The following DCN variants were observed in gnomAD, a reference collection of about 807,000 sequenced individuals.
DCN encodes decorin.
A neutral mutation model predicts 36.5 loss-of-function variants in DCN; 17 were observed. That is an observed-to-expected ratio of 0.47 (90% CI 0.32 to 0.70). DCN has a LOEUF of 0.70. DCN is among the 30% of genes least tolerant of loss of function. The probability of loss-of-function intolerance (pLI) is 0.04; values close to 1 mark genes in which losing one functional copy is unlikely to be tolerated. For synonymous variants in DCN, 163 were observed against 161.4 expected (o/e 1.01, Z -0.07); for missense variants, 389 against 430.1 (o/e 0.90, Z 0.84).
chr12:91,166,264 G>A (rs3138215), intron 2 of DCN, among the ~76,000 whole-genome samples: 9,209 of 152,130 alleles, frequency 0.061, 943 homozygotes, highest in African/African-American at 0.21. Context: ...ACATAAATGT[G>A]TAACTCTTAT....
At chr12:91,180,510 T>C (rs1159530746) in intron 1 of DCN, 4 of 152,188 alleles carry the variant, frequency 2.6e-5, no homozygotes, top group Admixed American at 2.6e-4. Context: ...TGTTTTTCAG[T>C]TTCTTACATG....
intron 4 of DCN, 66 bp downstream of exon 4, chr12:91,158,230 A>C: frequency 2.9e-6 from 3 of 1,019,570 alleles, no homozygotes; most frequent in Non-Finnish European, 4.7e-6. Context: ...TGCACTTAAA[A>C]CCCAGTTGAA....
intron 5 of DCN, 41 bp from the exon 6 acceptor site, chr12:91,153,230 A>C: frequency 9.1e-7 from 1 of 1,101,020 alleles, no homozygotes; most frequent in East Asian, 2.4e-5. Context: ...GCAGATAAAC[A>C]TTATAAGTAC....
intron 2 of DCN, among the ~76,000 whole-genome samples, chr12:91,170,737 C>A (rs1882906957): frequency 6.6e-6 from 1 of 152,168 alleles, no homozygotes; most frequent in South Asian, 2.1e-4. Flanking sequence ...TGTAAGTTAG[C>A]ATTCCTCAGG....
At position 91,173,693 on chromosome 12, in the gene DCN, G is replaced by A. The variant is rs548158963; in HGVS notation, c.211+4649C>T. ...GCAGAGCCAGACATAAATGATAAAGGCAACTGAGCCTCTAGCATTCTGTCT... is the reference window on the plus strand; with the variant it reads ...GCAGAGCCAGACATAAATGATAAAGACAACTGAGCCTCTAGCATTCTGTCT... On this transcript the variant is annotated intron_variant, in intron 2 of 7. Coordinates refer to ENST00000052754, the MANE Select transcript of DCN (RefSeq NM_001920.5). Among the ~76,000 whole-genome samples, 6 of 152,264 alleles carry A rather than the reference G, an allele frequency of 3.9e-5. No individual in the cohort carries two copies. In the East Asian group the frequency reaches 1.2e-3, roughly 29 times the overall value.
chr12:91,172,473 C>T (rs3138185), intron 2 of DCN: 5,544 of 212,046 alleles, frequency 0.026, 105 homozygotes, highest in Middle Eastern at 0.039. Context: ...AGCATGTTCC[C>T]CTTTTTCCAT....
At position 91,146,163 on chromosome 12, in the gene DCN, C is replaced by T. The variant is rs80123678; in HGVS notation, c.975G>A (p.Ser325=). The T allele has an allele frequency of 7.7e-4, 1,241 of 1,613,424 alleles. 7 individuals are homozygous for T. The African/African-American group carries it at 0.014, about 18-fold the overall frequency. The change falls in exon 8 of 8, where the codon TCG becomes TCA. Residue 325 remains serine, a synonymous_variant. Coordinates refer to ENST00000052754, the MANE Select transcript of DCN (RefSeq NM_001920.5). ...CCGGGTTGCTGAAAAGACTCACACCCGAATAAGAAGCCTTTTTGGTGTTGT... is the reference window on the plus strand; with the variant it reads ...CCGGGTTGCTGAAAAGACTCACACCTGAATAAGAAGCCTTTTTGGTGTTGT... The part of the protein sequence containing the change: ...PGHNTKKASY[S]GVSLFSNPVQ...
At chr12:91,160,416 C>A (rs562555102) in intron 3 of DCN, among the ~76,000 whole-genome samples, 1 of 151,844 alleles carries the variant, frequency 6.6e-6, no homozygotes, top group East Asian at 1.9e-4. Flanking sequence ...TGATTTTTTT[C>A]TCCAAAGCCA....
chr12:91,148,213 A>C (rs1175950244), intron 7 of DCN, among the ~76,000 whole-genome samples: 1 of 151,712 alleles, frequency 6.6e-6, no homozygotes, highest in African/African-American at 2.4e-5. Context: ...AGCTGGGACT[A>C]CAGGCGCCCA....
chr12:91,146,186 T>G lies in DCN; in HGVS notation c.952A>C (p.Asn318His). Reference sequence around the variant, plus strand: ...CCCGAATAAGAAGCCTTTTTGGTGTTGTGTCCAGGTGGGCAGAAGTCACTT... The same window carrying G: ...CCCGAATAAGAAGCCTTTTTGGTGTGGTGTCCAGGTGGGCAGAAGTCACTT... ...GSSDFCPPGH[N>H]TKKASYSGVS... The change falls in exon 8 of 8, where the codon AAC becomes CAC. Residue 318 changes from asparagine (N) to histidine (H), a missense_variant. By Grantham distance (68) the Asn-to-His change is moderately conservative. Coordinates refer to ENST00000052754, the MANE Select transcript of DCN (RefSeq NM_001920.5). 6.2e-7 allele frequency: 1 copy of G among 1,613,758 alleles called. No individual in the cohort carries two copies. The highest frequency in any genetic ancestry group is 8.5e-7 in the Non-Finnish European group (1 of 1,179,756).
chr12:91,148,663 C>A (rs1278465996), intron 7 of DCN, among the ~76,000 whole-genome samples: 1 of 137,700 alleles, frequency 7.3e-6, no homozygotes, highest in Non-Finnish European at 1.5e-5. Flanking sequence ...TTGCAGTGAG[C>A]CGAGATTGTG....
At chr12:91,169,001 A>G (rs961505322) in intron 2 of DCN, among the ~76,000 whole-genome samples, 1 of 142,726 alleles carries the variant, frequency 7.0e-6, no homozygotes, top group Non-Finnish European at 1.6e-5. Flanking sequence ...CCATTCATAG[A>G]TTTGTATTTT....
intron 7 of DCN, 32 bp downstream of exon 7, chr12:91,151,622 T>A: frequency 6.2e-7 from 1 of 1,613,540 alleles, no homozygotes; most frequent in Non-Finnish European, 8.5e-7. Flanking sequence ...GCTTTTTGGA[T>A]ATTCCTCACA....
At chr12:91,147,168 ACCT>A (rs1881079848) in intron 7 of DCN, among the ~76,000 whole-genome samples, 1 of 151,866 alleles carries the variant, frequency 6.6e-6, no homozygotes, top group South Asian at 2.1e-4. Context: ...TTCTACTCTG[ACCT>A]CCTTTTCTCT....
intron 7 of DCN, among the ~76,000 whole-genome samples, chr12:91,147,805 A>G (rs146979401): frequency 1.3e-5 from 2 of 152,352 alleles, no homozygotes; most frequent in East Asian, 3.9e-4. Context: ...AGTTTTAACA[A>G]ATACATATTT....
At chr12:91,173,887 T>C (rs1025216010) in intron 2 of DCN, among the ~76,000 whole-genome samples, 182 of 152,340 alleles carry the variant, frequency 1.2e-3, no homozygotes, top group Non-Finnish European at 2.0e-3. Context: ...GACAAAATTT[T>C]TCACCAGTTC....
At chr12:91,158,719 T>C (rs967904768) in intron 3 of DCN, among the ~76,000 whole-genome samples, 13 of 152,144 alleles carry the variant, frequency 8.5e-5, no homozygotes, top group Admixed American at 6.6e-5. Flanking sequence ...CCCAGCACTT[T>C]GGGAGGCTGA....
At chr12:91,146,325 T>G (rs1281491064) in intron 7 of DCN, 73 bp from the exon 8 acceptor site, 1 of 863,310 alleles carries the variant, frequency 1.2e-6, no homozygotes, top group Non-Finnish European at 1.8e-6. Context: ...AACATTTTAT[T>G]TTTTTTATTA....
chr12:91,177,695 A>T, intron 2 of DCN: 1 of 698,146 alleles, frequency 1.4e-6, no homozygotes, highest in South Asian at 1.5e-5. Context: ...AATTATATTG[A>T]ATATTTACAC....
Sources: gnomAD v4.1 joint callset for allele counts (sites outside exome capture counted in the v4.1 genomes callset) on GRCh38, gnomAD v4.1.1 for gene constraint, MANE v1.5 for transcripts, NCBI Gene and HGNC (gene_info 2026-07-23, HGNC 2026-07-21) for gene names.